The following SPTAN1 variants were observed in gnomAD, a reference collection of about 807,000 sequenced individuals.
The protein encoded by SPTAN1 is spectrin alpha chain, non-erythrocytic 1.
A neutral mutation model predicts 331.3 loss-of-function variants in SPTAN1; 61 were observed. The observed-to-expected ratio is 0.18, with a 90% CI of 0.15 to 0.23. The LOEUF is 0.23. Ranked by LOEUF, SPTAN1 falls within the 10% of genes least tolerant of loss-of-function variation. The pLI, the probability that SPTAN1 is intolerant of heterozygous loss-of-function variation, is 1.00. For synonymous variants in SPTAN1, 1,153 were observed against 1,173.9 expected (o/e 0.98, Z 0.36); for missense variants, 2,043 against 3,147.9 (o/e 0.65, Z 8.40).
chr9:128,585,467 T>G (rs1385357278), intron 18 of SPTAN1, among the ~76,000 whole-genome samples: 1 of 152,140 alleles, frequency 6.6e-6, no homozygotes, highest in Non-Finnish European at 1.5e-5. Context: ...AGCGCTACAG[T>G]GGTACTGTTA....
chr9:128,580,550 T>C (rs909737863), intron 10 of SPTAN1, among the ~76,000 whole-genome samples: 1 of 152,100 alleles, frequency 6.6e-6, no homozygotes, highest in Non-Finnish European at 1.5e-5. Flanking sequence ...CCATATGTTA[T>C]GGAGCACCCA....
At chr9:128,631,825 T>A in intron 52 of SPTAN1, 1 of 393,080 alleles carries the variant, frequency 2.5e-6, no homozygotes, top group East Asian at 5.3e-5. Context: ...CTCAAAAAAA[T>A]TTATAAAAAT....
rs1045507527 is a variant in SPTAN1, at chr9:128,574,940, G to A, written c.504+125G>A. 8 of 1,388,108 alleles carry A rather than the reference G, an allele frequency of 5.8e-6. No individual in the cohort carries two copies. In the African/African-American group the frequency reaches 8.4e-5, roughly 15 times the overall value. 86.0% of individuals were successfully genotyped at this position (1,388,108 alleles called of 1,614,324 possible). A position where few individuals can be genotyped will look rare whatever the true frequency, so the allele number is the denominator to read the frequency against. ...CCATTTTAAGTAAAAGGGTGGAAGT[G>A]GGGTTGCTGTCTCTCCAGCTGCTCT... On this transcript the variant is annotated intron_variant, in intron 4 of 56. Transcript: ENST00000372739.
rs189104921 is a variant in SPTAN1 at position 128,633,658 on chromosome 9, C to G, written c.*324C>G. ...AAAGACAAATAAATGATGACTTCCC[C>G]CAAAGCTTTGCTTTTCTTCATTTGG... On this transcript the variant is annotated 3_prime_UTR_variant, in exon 57 of 57. Coordinates refer to ENST00000372739, the MANE Select transcript of SPTAN1 (RefSeq NM_001130438.3). 207 of 1,460,786 alleles carry G rather than the reference C, an allele frequency of 1.4e-4. No homozygotes were observed. The African/African-American group carries it at 2.4e-3, about 17-fold the overall frequency. The allele number at this position is 1,460,786 out of a possible 1,614,324, so 90.5% of individuals were successfully genotyped here. A position where few individuals can be genotyped will look rare whatever the true frequency, so the allele number is the denominator to read the frequency against.
intron 10 of SPTAN1, 61 bp downstream of exon 10, chr9:128,579,799 A>G: frequency 1.5e-6 from 2 of 1,328,438 alleles, no homozygotes; most frequent in Non-Finnish European, 2.1e-6. Flanking sequence ...AGTCTCTGAA[A>G]GCTATTATTC....
chr9:128,587,419 T>C (rs1852798573), intron 19 of SPTAN1, among the ~76,000 whole-genome samples, 187 bp from the exon 20 acceptor site: 1 of 152,204 alleles, frequency 6.6e-6, no homozygotes, highest in South Asian at 2.1e-4. Context: ...ATATATATGA[T>C]TGTCCCAAAA....
At chr9:128,562,497 C>T (rs1167268316) in intron 1 of SPTAN1, among the ~76,000 whole-genome samples, 1 of 152,132 alleles carries the variant, frequency 6.6e-6, no homozygotes, top group Non-Finnish European at 1.5e-5. Flanking sequence ...GGACCCTGTC[C>T]AGGACCTGTA....
chr9:128,630,657 T>G, intron 52 of SPTAN1: 1 of 421,582 alleles, frequency 2.4e-6, no homozygotes, highest in Non-Finnish European at 4.4e-6. Context: ...GCCTCCCAAA[T>G]AGCTGTACTA....
At chr9:128,612,957 G>A (rs181093445) in intron 39 of SPTAN1, among the ~76,000 whole-genome samples, 125 of 151,808 alleles carry the variant, frequency 8.2e-4, no homozygotes, top group Non-Finnish European at 1.3e-3. Flanking sequence ...TAATAATTGC[G>A]TAAGTTTATC....
At chr9:128,570,318 ATATATATATATATTTTTTTTTTT>A (rs1264779100) in intron 3 of SPTAN1, among the ~76,000 whole-genome samples, 7 of 33,746 alleles carry the variant, frequency 2.1e-4, no homozygotes, top group Non-Finnish European at 3.6e-4. Context: ...ATATATATAT[ATATATATATATATTTTTTTTTTT>A]TTTTTTTTTT....
At chr9:128,630,955 C>G (rs937955864) in intron 52 of SPTAN1, among the ~76,000 whole-genome samples, 1 of 152,200 alleles carries the variant, frequency 6.6e-6, no homozygotes, top group East Asian at 1.9e-4. Flanking sequence ...CTGATCTGCC[C>G]GCCTCGGCCT....
At chr9:128,556,186 A>C (rs1204393761) in intron 1 of SPTAN1, among the ~76,000 whole-genome samples, 1 of 151,874 alleles carries the variant, frequency 6.6e-6, no homozygotes, top group African/African-American at 2.4e-5. Context: ...GCACCATTGC[A>C]CTCCAGCCCA....
At chr9:128,574,115 T>C (rs1423889166) in intron 3 of SPTAN1, among the ~76,000 whole-genome samples, 1 of 152,200 alleles carries the variant, frequency 6.6e-6, no homozygotes, top group Non-Finnish European at 1.5e-5. Context: ...ACATTGATGA[T>C]GCCTATAAGA....
At chr9:128,583,648 T>C (rs892644524) in intron 15 of SPTAN1, 140 bp from the exon 16 acceptor site, 30 of 938,316 alleles carry the variant, frequency 3.2e-5, no homozygotes, top group African/African-American at 2.1e-4. Context: ...GCAATTGATA[T>C]TTTCTTTCTC....
At chr9:128,633,180 G>C (rs1309600438) in intron 56 of SPTAN1, 29 bp from the exon 57 acceptor site, 11 of 1,613,626 alleles carry the variant, frequency 6.8e-6, no homozygotes, top group East Asian at 2.2e-5. Flanking sequence ...AGCTGGCTCA[G>C]GCACCAGGTG....
At position 128,584,313 on chromosome 9, in the gene SPTAN1, G is replaced by A. The variant is rs146412583; in HGVS notation, c.2225G>A (p.Arg742His). 33 of 1,614,022 alleles carry A rather than the reference G, an allele frequency of 2.0e-5. 1 individual carries two copies. The highest frequency in any genetic ancestry group is 8.0e-5 in the African/African-American group (6 of 74,906). ...DRIDGITIQA[R>H]QFQDAGHFDA... ...ATTGATGGCATCACCATTCAGGCCCGCCAGTTCCAAGATGCTGGCCATTTT... is the reference window on the plus strand; with the variant it reads ...ATTGATGGCATCACCATTCAGGCCCACCAGTTCCAAGATGCTGGCCATTTT... Residue 742 changes from arginine to histidine, a missense_variant, in exon 17 of 57, where the codon CGC becomes CAC. Arg to His is a conservative substitution (Grantham distance 29). This residue lies in a region of SPTAN1 where 1,038 missense variants were observed against 1,531.5 expected (regional missense o/e 0.68). Coordinates refer to ENST00000372739, the MANE Select transcript of SPTAN1 (RefSeq NM_001130438.3).
At chr9:128,575,059 T>C in intron 4 of SPTAN1, 140 bp from the exon 5 acceptor site, 1 of 1,353,668 alleles carries the variant, frequency 7.4e-7, no homozygotes, top group Non-Finnish European at 1.1e-6. Context: ...TGGGAGGAAC[T>C]AAAATCACAA....
At chr9:128,572,448 C>G (rs1463535424) in intron 3 of SPTAN1, among the ~76,000 whole-genome samples, 1 of 146,174 alleles carries the variant, frequency 6.8e-6, no homozygotes, top group Non-Finnish European at 1.5e-5. Context: ...GACAATGGTT[C>G]CAGTACTGGG....
At chr9:128,564,797 G>A (rs938886908) in intron 1 of SPTAN1, among the ~76,000 whole-genome samples, 1 of 152,048 alleles carries the variant, frequency 6.6e-6, no homozygotes. Context: ...ATAAATAAGC[G>A]CTATCTAGGC....
Sources: allele counts gnomAD v4.1 joint callset (sites outside exome capture counted in the v4.1 genomes callset), GRCh38; gene constraint gnomAD v4.1.1; regional missense constraint gnomAD v4.1.1; transcripts MANE v1.5; gene names NCBI Gene and HGNC (gene_info 2026-07-23, HGNC 2026-07-21).